UBAP2: variants seen among roughly 807,000 people sequenced by gnomAD.
The protein encoded by UBAP2 is ubiquitin associated protein 2.
In UBAP2, 75 loss-of-function variants were observed where a neutral mutation model predicts 139.6. The observed-to-expected ratio is 0.54, with a 90% CI of 0.45 to 0.65. UBAP2 has a LOEUF of 0.65. Ranked by LOEUF, UBAP2 falls within the 30% of genes least tolerant of loss-of-function variation. The pLI is 0.00. For missense variants in UBAP2, 1,368 were observed against 1,369.6 expected (o/e 1.00, Z 0.02); for synonymous variants, 526 against 526.2 (o/e 1.00, Z 0.01).
chr9:33,963,839 A>C, intron 8 of UBAP2, 48 bp from the exon 9 acceptor site: 1 of 1,385,372 alleles, frequency 7.2e-7, no homozygotes, highest in Non-Finnish European at 1.0e-6. Flanking sequence ...AAAAGAATGA[A>C]AGTATTCATC....
At chr9:34,005,600 T>C (rs1016939090) in intron 2 of UBAP2, among the ~76,000 whole-genome samples, 2 of 152,024 alleles carry the variant, frequency 1.3e-5, no homozygotes, top group Non-Finnish European at 2.9e-5. Flanking sequence ...TAACAATTAA[T>C]GTCTCAAGAA....
At chr9:34,031,149 G>A (rs185506260) in intron 1 of UBAP2, among the ~76,000 whole-genome samples, 12 of 151,172 alleles carry the variant, frequency 7.9e-5, no homozygotes, top group Admixed American at 7.3e-4. Context: ...ATGGTGGCAC[G>A]GACCTGTAAT....
chr9:33,973,258 A>G (rs1828046343), intron 6 of UBAP2, 21 bp from the exon 7 acceptor site: 1 of 1,610,160 alleles, frequency 6.2e-7, no homozygotes, highest in Non-Finnish European at 8.5e-7. Context: ...ACACACAATT[A>G]TAGTATAAAA....
At chr9:34,044,273 C>T (rs187758859) in intron 1 of UBAP2, among the ~76,000 whole-genome samples, 20 of 151,936 alleles carry the variant, frequency 1.3e-4, no homozygotes, top group East Asian at 1.9e-4. Context: ...TGACAGCACA[C>T]GCCTGTAGTC....
At chr9:34,045,763 A>C (rs1356650821) in intron 1 of UBAP2, among the ~76,000 whole-genome samples, 1 of 152,192 alleles carries the variant, frequency 6.6e-6, no homozygotes, top group Admixed American at 6.6e-5. Context: ...GTTTACATTA[A>C]AATTGTAAAA....
rs533277952 is a variant in UBAP2, at chr9:33,940,736, G to A, written c.1929+913C>T. On this transcript the variant is annotated intron_variant, in intron 16 of 28. Coordinates refer to ENST00000379238, the MANE Select transcript of UBAP2 (RefSeq NM_001370062.2). ...CAAGGCTGCAGTGTGCTGTGATCGC[G>A]CCACTGGACTCTAACCTGGGTGACA... 2.6e-5 allele frequency among the ~76,000 whole-genome samples: 4 copies of A among 152,238 alleles called. 1 individual carries two copies. The highest frequency in any genetic ancestry group is 1.9e-4 in the East Asian group (1 of 5,188).
intron 1 of UBAP2, among the ~76,000 whole-genome samples, chr9:34,046,256 A>C (rs1827569331): frequency 6.7e-6 from 1 of 149,878 alleles, no homozygotes. Flanking sequence ...CAACCCCACA[A>C]AGTGTCTTAT....
At chr9:34,028,394 T>TTATTTATTTA in intron 1 of UBAP2, among the ~76,000 whole-genome samples, 1 of 151,394 alleles carries the variant, frequency 6.6e-6, no homozygotes. Flanking sequence ...ATTTATTTAT[T>TTATTTATTTA]TTGAGATGGA....
Position 33,948,443 on chromosome 9 carries a change from G to A in UBAP2, c.1201C>T (p.His401Tyr). 6.2e-7 allele frequency: 1 copy of A among 1,614,170 alleles called. No homozygotes were observed. Among genetic ancestry groups the A allele is most frequent in the Non-Finnish European group, 8.5e-7 (1 of 1,180,032 alleles). The change falls in exon 13 of 29, where the codon CAC (histidine) becomes TAC (tyrosine). Residue 401 changes from histidine (H) to tyrosine (Y), a missense_variant. His to Tyr is a moderately conservative substitution (Grantham distance 83, BLOSUM62 2). Coordinates refer to ENST00000379238, the MANE Select transcript of UBAP2 (RefSeq NM_001370062.2). ...TPSTQQNSTS[H>Y]PTTTTSWDLK... ...TCCCAAGAAGTAGTAGTTGTAGGGT[G>A]ACTTGTACTATTCTGCTGTGTACTT...
At chr9:33,982,575 A>G (rs1820856306) in intron 6 of UBAP2, among the ~76,000 whole-genome samples, 1 of 152,160 alleles carries the variant, frequency 6.6e-6, no homozygotes, top group Admixed American at 6.6e-5. Flanking sequence ...GTTCCTATTC[A>G]CCGGTATATA....
At chr9:34,006,613 G>C (rs1823243379) in intron 2 of UBAP2, among the ~76,000 whole-genome samples, 1 of 151,966 alleles carries the variant, frequency 6.6e-6, no homozygotes, top group African/African-American at 2.4e-5. Context: ...GAGGTCAAGG[G>C]AGAAGGGAGC....
intron 2 of UBAP2, among the ~76,000 whole-genome samples, chr9:34,011,191 G>C (rs1245676061): frequency 6.6e-6 from 1 of 152,066 alleles, no homozygotes; most frequent in Non-Finnish European, 1.5e-5. Context: ...GGGGCAGTCT[G>C]GGGCTTATAT....
chr9:34,038,817 C>T (rs1461785551), intron 1 of UBAP2, among the ~76,000 whole-genome samples: 2 of 151,822 alleles, frequency 1.3e-5, no homozygotes, highest in Admixed American at 1.3e-4. Context: ...TTCCTGGCCG[C>T]CATCCCGTCT....
At chr9:34,047,543 G>A (rs1157607855) in intron 1 of UBAP2, among the ~76,000 whole-genome samples, 1 of 152,196 alleles carries the variant, frequency 6.6e-6, no homozygotes, top group Non-Finnish European at 1.5e-5. Flanking sequence ...AGTGAAAAGT[G>A]AGGAATGCAA....
At chr9:33,988,511 C>G (rs1020760541) in intron 5 of UBAP2, among the ~76,000 whole-genome samples, 2 of 152,228 alleles carry the variant, frequency 1.3e-5, no homozygotes, top group Non-Finnish European at 2.9e-5. Flanking sequence ...TAATCTAACC[C>G]TTGTCTATAC....
At position 33,944,633 on chromosome 9, in the gene UBAP2, T is replaced by G; in HGVS notation, c.1277A>C (p.Lys426Thr). 4 of 1,611,736 alleles carry G rather than the reference T, an allele frequency of 2.5e-6. No homozygotes were observed. Among genetic ancestry groups the G allele is most frequent in the South Asian group, 1.1e-5 (1 of 91,058 alleles). ...AACTGGGGATGGCTCAGGTTGAGAT[T>G]TGAAGTCTAAAAAAAGTAAGCAGCA... The part of the protein sequence containing the change: ...QSSVLSHLDF[K>T]SQPEPSPVLS... The change falls in exon 14 of 29, where the codon AAA becomes ACA. Residue 426 changes from lysine (K) to threonine (T), a missense_variant. Transcript: ENST00000379238.
chr9:34,024,595 A>T (rs565293852), intron 1 of UBAP2, among the ~76,000 whole-genome samples: 1 of 150,852 alleles, frequency 6.6e-6, no homozygotes, highest in South Asian at 2.1e-4. Context: ...GGGATGGGGG[A>T]TGTGACTGAA....
At chr9:34,024,342 C>CA (rs11464111) in intron 1 of UBAP2, among the ~76,000 whole-genome samples, 20,599 of 144,498 alleles carry the variant, frequency 0.14, 1,566 homozygotes, top group South Asian at 0.33. Context: ...AACTCTGTCT[C>CA]AAAAAAAAAA....
Position 33,999,906 on chromosome 9 carries a change from G to GTATGTAT in UBAP2, c.100-1043_100-1042insATACATA, listed in dbSNP as rs1554689184. On this transcript the variant is annotated intron_variant, in intron 2 of 28. Coordinates refer to ENST00000379238, the MANE Select transcript of UBAP2 (RefSeq NM_001370062.2). ...TGTATGTATGTATGTATGTATGTAT[G>GTATGTAT]TTATTTTGAGATGGAGTCACACTCT... Among the ~76,000 whole-genome samples the GTATGTAT allele has an allele frequency of 1.0e-4, 5 of 49,338 alleles. No individual in the cohort carries two copies. The East Asian group carries it at 4.3e-3, about 43-fold the overall frequency. 32.4% of individuals were successfully genotyped at this position (49,338 alleles called of 152,430 possible).
Sources: allele counts gnomAD v4.1 joint callset (sites outside exome capture counted in the v4.1 genomes callset), GRCh38; gene constraint gnomAD v4.1.1; transcripts MANE v1.5; gene names NCBI Gene and HGNC (gene_info 2026-07-23, HGNC 2026-07-21).